The following LAMC3 variants were observed in gnomAD, a reference collection of about 807,000 sequenced individuals.
LAMC3 encodes laminin subunit gamma 3, also known as laminin subunit gamma-3.
Under a neutral mutation model 173.8 loss-of-function variants are expected in LAMC3, and 128 were observed. The ratio of observed to expected loss-of-function variants is 0.74; its 90% CI spans 0.64 to 0.85. LAMC3 has a LOEUF of 0.85. Among genes scored for constraint, LAMC3 ranks in the 40% least tolerant of loss-of-function variants. The pLI, the probability that LAMC3 is intolerant of heterozygous loss-of-function variation, is 0.00. For synonymous variants in LAMC3, 897 were observed against 909.1 expected (o/e 0.99, Z 0.24); for missense variants, 2,022 against 2,156.0 (o/e 0.94, Z 1.23).
At chr9:131,072,288 A>C (rs1309650376) in intron 18 of LAMC3, among the ~76,000 whole-genome samples, 1 of 152,236 alleles carries the variant, frequency 6.6e-6, no homozygotes, top group East Asian at 1.9e-4. Context: ...AATAGGGGCT[A>C]TCAGATACCG....
intron 17 of LAMC3, among the ~76,000 whole-genome samples, chr9:131,070,108 T>C (rs1830013479): frequency 6.6e-6 from 1 of 152,226 alleles, no homozygotes; most frequent in South Asian, 2.1e-4. Flanking sequence ...CACGCCAGGC[T>C]GGGGTCTCAC....
At chr9:131,066,686 C>T (rs1588160726) in intron 13 of LAMC3, among the ~76,000 whole-genome samples, 1 of 152,180 alleles carries the variant, frequency 6.6e-6, no homozygotes, top group Non-Finnish European at 1.5e-5. Flanking sequence ...GCGCTTTTCA[C>T]AAATTATGTC....
Position 131,036,242 on chromosome 9 carries a change from A to G in LAMC3, c.886A>G (p.Thr296Ala), listed in dbSNP as rs369964415. Reference protein sequence around the residue: ...GQLACRCQHNTTGTDCERCLP... With the variant: ...GQLACRCQHNATGTDCERCLP... ...GTTGGCCTGCCGGTGCCAGCACAACACCACCGGCACAGACTGTGAGCGCTG... is the reference window on the plus strand; with the variant it reads ...GTTGGCCTGCCGGTGCCAGCACAACGCCACCGGCACAGACTGTGAGCGCTG... The change falls in exon 4 of 28, where the codon ACC becomes GCC. Residue 296 changes from threonine to alanine, a missense_variant. By Grantham distance (58) the Thr-to-Ala change is moderately conservative. Transcript: ENST00000361069. 1 of 1,612,854 alleles carries G rather than the reference A, an allele frequency of 6.2e-7. No individual in the cohort carries two copies. Among genetic ancestry groups the G allele is most frequent in the Non-Finnish European group, 8.5e-7 (1 of 1,179,802 alleles).
chr9:131,023,091 C>T (rs960166870), intron 1 of LAMC3, among the ~76,000 whole-genome samples: 1 of 152,134 alleles, frequency 6.6e-6, no homozygotes, highest in African/African-American at 2.4e-5. Context: ...CTTGTGGTTG[C>T]GTGTGTCAGC....
rs561097705 is a variant in LAMC3 at position 131,075,835 on chromosome 9, A to G, written c.3499A>G (p.Arg1167Gly). 82 of 1,611,036 alleles carry G rather than the reference A, an allele frequency of 5.1e-5. No homozygotes were observed. In the East Asian group the frequency reaches 1.8e-3, roughly 35 times the overall value. ...CAGGTGGGTGTCCTCACACAGCCAC[A>G]GAGACACCGCCACCAAGATCGCAGC... ...TEARALARSH[R>G]DTATKIAATA... is the part of the protein sequence containing the mutation. Residue 1167 changes from arginine to glycine, a missense_variant, in exon 21 of 28, where the codon AGA becomes GGA. Transcript: ENST00000361069.
chr9:131,055,251 G>A lies in LAMC3; in HGVS notation c.1940-1678G>A, dbSNP rs375567578. Among the ~76,000 whole-genome samples, 9 of 152,134 alleles carry A rather than the reference G, an allele frequency of 5.9e-5. No homozygotes were observed. The South Asian group carries it at 6.2e-4, about 11-fold the overall frequency. ...GCTGCTCTGATGAGGAGTGTCGGCC[G>A]CCTCCAGTCTCCCTGTTCTGTGTCT... On this transcript the variant is annotated intron_variant, in intron 11 of 27. Transcript: ENST00000361069.
At chr9:131,073,999 T>A (rs1830081667) in intron 20 of LAMC3, among the ~76,000 whole-genome samples, 1 of 142,316 alleles carries the variant, frequency 7.0e-6, no homozygotes, top group African/African-American at 2.6e-5. Flanking sequence ...CAGGCTGGAG[T>A]GCAGTGGCGC....
intron 1 of LAMC3, among the ~76,000 whole-genome samples, chr9:131,018,251 C>T (rs1283221603): frequency 1.3e-5 from 2 of 151,316 alleles, no homozygotes; most frequent in Non-Finnish European, 2.9e-5. Context: ...TCTCATGCCT[C>T]AGCCTCCCGT....
chr9:131,045,221 CAAAA>C (rs58637956), intron 7 of LAMC3, among the ~76,000 whole-genome samples: 2 of 111,998 alleles, frequency 1.8e-5, no homozygotes, highest in South Asian at 2.9e-4. Flanking sequence ...GACTCTGTCT[CAAAA>C]AAAAAAAAAA....
intron 3 of LAMC3, 57 bp downstream of exon 3, chr9:131,032,232 G>A (rs2133236256): frequency 3.8e-6 from 2 of 532,404 alleles, no homozygotes; most frequent in Middle Eastern, 3.3e-4. Context: ...CCCGAGAGCG[G>A]AAGGTGGCTG....
At chr9:131,069,296 C>G (rs1829998696) in intron 16 of LAMC3, among the ~76,000 whole-genome samples, 1 of 152,172 alleles carries the variant, frequency 6.6e-6, no homozygotes, top group African/African-American at 2.4e-5. Flanking sequence ...CTCTGGCCCT[C>G]TGCAGCCTGC....
chr9:131,073,233 T>C lies in LAMC3; in HGVS notation c.3418-12T>C, dbSNP rs1350521034. 1.2e-6 allele frequency: 2 copies of C among 1,608,332 alleles called. No individual in the cohort carries two copies. Among genetic ancestry groups the C allele is most frequent in the African/African-American group, 1.3e-5 (1 of 74,862 alleles). Reference sequence around the variant, plus strand: ...GGCCATCAGTTTCCTCCTCTTCCTCTTCTTTCTACAGGAGATTCCTCAGGA... The same window carrying C: ...GGCCATCAGTTTCCTCCTCTTCCTCCTCTTTCTACAGGAGATTCCTCAGGA... On this transcript the variant is annotated splice_polypyrimidine_tract_variant and intron_variant, in intron 19 of 27. Coordinates refer to ENST00000361069, the MANE Select transcript of LAMC3 (RefSeq NM_006059.4).
chr9:131,054,455 T>C (rs887944192), intron 11 of LAMC3, among the ~76,000 whole-genome samples: 1 of 152,188 alleles, frequency 6.6e-6, no homozygotes, highest in African/African-American at 2.4e-5. Context: ...TTTAAAAACA[T>C]AGAAATGTGA....
chr9:131,009,478 C>T lies in LAMC3; in HGVS notation c.264C>T (p.Ala88=), dbSNP rs781506843. The T allele has an allele frequency of 5.8e-6, 9 of 1,549,626 alleles. No individual in the cohort carries two copies. The highest frequency in any genetic ancestry group is 3.3e-4 in the Middle Eastern group (2 of 6,014). Residue 88 remains alanine, a synonymous_variant, in exon 1 of 28, where the codon GCC becomes GCT. Coordinates refer to ENST00000361069, the MANE Select transcript of LAMC3 (RefSeq NM_006059.4). This position sits in a 1 kb window ranked among gnomAD's most constrained non-coding sequence, Gnocchi z 4.3. ...DAADPQRHHN[A]SYLTDFHSQD... ...CCGACCCCCAGCGCCACCACAACGCCTCCTACCTCACCGACTTCCACAGCC... is the reference window on the plus strand; with the variant it reads ...CCGACCCCCAGCGCCACCACAACGCTTCCTACCTCACCGACTTCCACAGCC...
chr9:131,089,538 C>G (rs1368893045), intron 27 of LAMC3, among the ~76,000 whole-genome samples: 1 of 104,056 alleles, frequency 9.6e-6, no homozygotes, highest in Non-Finnish European at 1.9e-5. Context: ...CCACCACACC[C>G]AGCTAATTTT....
intron 1 of LAMC3, among the ~76,000 whole-genome samples, chr9:131,015,488 C>T (rs747812479): frequency 1.3e-5 from 2 of 152,110 alleles, no homozygotes; most frequent in Non-Finnish European, 2.9e-5. Context: ...GAATCATAGT[C>T]GACATCCAGG....
chr9:131,033,057 C>A (rs147197332), intron 3 of LAMC3, among the ~76,000 whole-genome samples: 79 of 152,332 alleles, frequency 5.2e-4, no homozygotes, highest in African/African-American at 1.8e-3. Flanking sequence ...TGGTCCTATG[C>A]GCCATTAGCA....
rs148757563 is a variant in LAMC3 at position 131,092,145 on chromosome 9, T to C, written c.*358T>C. ...GTCAGCAGCTTACGGTCCACACACATTACAGTCCACAGCTGTTGTGAGAGC... is the reference window on the plus strand; with the variant it reads ...GTCAGCAGCTTACGGTCCACACACACTACAGTCCACAGCTGTTGTGAGAGC... On this transcript the variant is annotated 3_prime_UTR_variant, in exon 28 of 28. Coordinates refer to ENST00000361069, the MANE Select transcript of LAMC3 (RefSeq NM_006059.4). 6.7e-4 allele frequency: 233 copies of C among 345,274 alleles called. 1 individual carries two copies. Among genetic ancestry groups the C allele is most frequent in the Non-Finnish European group, 1.1e-3 (200 of 179,822 alleles). The allele number at this position is 345,274 out of a possible 1,614,324, so 21.4% of individuals were successfully genotyped here. A position where few individuals can be genotyped will look rare whatever the true frequency, so the allele number is the denominator to read the frequency against.
chr9:131,058,869 G>T (rs1829744593), intron 12 of LAMC3, among the ~76,000 whole-genome samples: 1 of 149,650 alleles, frequency 6.7e-6, no homozygotes, highest in Non-Finnish European at 1.5e-5. Flanking sequence ...ACTCCAGCCT[G>T]GGTGACAAGA....
Sources: gnomAD v4.1 joint callset for allele counts (sites outside exome capture counted in the v4.1 genomes callset) on GRCh38, gnomAD v4.1.1 for gene constraint, Gnocchi (gnomAD v3.1) non-coding constraint, MANE v1.5 for transcripts, NCBI Gene and HGNC (gene_info 2026-07-23, HGNC 2026-07-21) for gene names.